Variants in ADAM19 observed in about 807,000 individuals in gnomAD.
The protein encoded by ADAM19 is disintegrin and metalloproteinase domain-containing protein 19.
Under a neutral mutation model 114.7 loss-of-function variants are expected in ADAM19, and 65 were observed. The observed-to-expected ratio is 0.57, with a 90% CI of 0.46 to 0.70. The LOEUF is 0.70. Ranked by LOEUF, ADAM19 falls within the 30% of genes least tolerant of loss-of-function variation. ADAM19 has a pLI of 0.00. For missense variants in ADAM19, 1,063 were observed against 1,204.7 expected (o/e 0.88, Z 1.74); for synonymous variants, 466 against 460.5 (o/e 1.01, Z -0.15).
At chr5:157,515,783 C>T (rs1756073131) in intron 7 of ADAM19, among the ~76,000 whole-genome samples, 1 of 152,200 alleles carries the variant, frequency 6.6e-6, no homozygotes, top group South Asian at 2.1e-4. Flanking sequence ...CTTTACAGGC[C>T]TGTGTTTACA....
intron 3 of ADAM19, among the ~76,000 whole-genome samples, chr5:157,543,615 T>C (rs1261695517): frequency 1.3e-5 from 2 of 152,218 alleles, no homozygotes; most frequent in Non-Finnish European, 2.9e-5. Context: ...GCACTAGCTA[T>C]ATATACACGT....
At chr5:157,495,365 C>T (rs946418764) in intron 14 of ADAM19, among the ~76,000 whole-genome samples, 1 of 152,052 alleles carries the variant, frequency 6.6e-6, no homozygotes, top group Admixed American at 6.5e-5. Flanking sequence ...GGGTTGCATG[C>T]TAAGCCTGCT....
intron 3 of ADAM19, among the ~76,000 whole-genome samples, chr5:157,560,608 A>G (rs900820180): frequency 2.6e-5 from 4 of 152,258 alleles, no homozygotes; most frequent in African/African-American, 9.6e-5. Context: ...TGCTGGAGCA[A>G]TATGTCTGAC....
At chr5:157,513,375 G>A (rs1356217489) in intron 8 of ADAM19, 59 bp downstream of exon 8, 4 of 1,533,504 alleles carry the variant, frequency 2.6e-6, no homozygotes, top group Non-Finnish European at 3.6e-6. Context: ...GGCAGCTCCA[G>A]TGCCCTTGGA....
At chr5:157,556,123 C>T (rs923241360) in intron 3 of ADAM19, among the ~76,000 whole-genome samples, 1 of 151,904 alleles carries the variant, frequency 6.6e-6, no homozygotes, top group Admixed American at 6.6e-5. Flanking sequence ...CTCACTGCAA[C>T]CTCTGCCTCC....
chr5:157,489,423 A>G (rs1755073333), intron 19 of ADAM19, among the ~76,000 whole-genome samples: 1 of 152,146 alleles, frequency 6.6e-6, no homozygotes, highest in Admixed American at 6.5e-5. Context: ...CTCTCTCAGC[A>G]CCTTCTCTTC....
Position 157,488,316 on chromosome 5 carries a change from C to T in ADAM19, c.2499G>A (p.Arg833=). 1 of 1,614,160 alleles carries T rather than the reference C, an allele frequency of 6.2e-7. No individual in the cohort carries two copies. Among genetic ancestry groups the T allele is most frequent in the Non-Finnish European group, 8.5e-7 (1 of 1,180,006 alleles). The change falls in exon 21 of 23, where the codon AGG becomes AGA. Residue 833 remains arginine, a synonymous_variant. Transcript: ENST00000257527. ...GGGGAATTGGCCGGCTTGGAGGAGG[C>T]CTCCTGGACGACTCCGTCCTCTCTA... ...SQIERTESSR[R]PPPSRPIPPA... is the part of the protein sequence containing the mutation.
intron 5 of ADAM19, among the ~76,000 whole-genome samples, chr5:157,524,242 G>A (rs1481036003): frequency 6.6e-6 from 1 of 152,250 alleles, no homozygotes; most frequent in Admixed American, 6.5e-5. Context: ...TTTGCTGAAT[G>A]TTAGCCCTGG....
chr5:157,546,311 C>T (rs746570703), intron 3 of ADAM19, among the ~76,000 whole-genome samples: 7 of 152,326 alleles, frequency 4.6e-5, no homozygotes, highest in Middle Eastern at 3.4e-3. Flanking sequence ...TATGTGCACG[C>T]ACACGTGTGT....
intron 5 of ADAM19, 82 bp from the exon 6 acceptor site, chr5:157,520,113 T>C: frequency 7.3e-7 from 1 of 1,364,594 alleles, no homozygotes. Context: ...TTTCTCCATA[T>C]GCAAAATGAC....
chr5:157,575,002 G>C (rs1204557269), intron 1 of ADAM19, among the ~76,000 whole-genome samples: 1 of 152,194 alleles, frequency 6.6e-6, no homozygotes, highest in Non-Finnish European at 1.5e-5. Context: ...AAATGGGTGC[G>C]TTTGACTTGG....
In ADAM19 at chr5:157,477,769, G is replaced by A. The variant is rs1015897231; in HGVS notation, c.*3180C>T. 72 of 1,272,500 alleles carry A rather than the reference G, an allele frequency of 5.7e-5. No individual in the cohort carries two copies. Among genetic ancestry groups the A allele is most frequent in the Non-Finnish European group, 6.9e-5 (67 of 973,336 alleles). 78.8% of individuals were successfully genotyped at this position (1,272,500 alleles called of 1,614,324 possible). ...TAAGAATAAATTAGGAAGTAGGCAG[G>A]GAGAGACTTCCAATAAAGATTGGAA... On this transcript the variant is annotated 3_prime_UTR_variant, in exon 23 of 23. Coordinates refer to ENST00000257527, the MANE Select transcript of ADAM19 (RefSeq NM_033274.5).
In ADAM19 at chr5:157,520,007, G is replaced by A; in HGVS notation, c.432C>T (p.Asn144=). ...GIRGLITVSS[N]LSYVIEPLPD... Reference sequence around the variant, plus strand: ...GGAGGGGCTCGATGACGTAGCTGAGGTTGCTGCTCACCGTAATCAGTCCTC... The same window carrying A: ...GGAGGGGCTCGATGACGTAGCTGAGATTGCTGCTCACCGTAATCAGTCCTC... The change falls in exon 6 of 23, where the codon AAC becomes AAT. Residue 144 remains asparagine (N), a synonymous_variant. Transcript: ENST00000257527. The A allele has an allele frequency of 6.2e-7, 1 of 1,614,062 alleles. No individual in the cohort carries two copies. The highest frequency in any genetic ancestry group is 8.5e-7 in the Non-Finnish European group (1 of 1,179,958).
chr5:157,492,202 G>C (rs1348532376), intron 16 of ADAM19, among the ~76,000 whole-genome samples: 1 of 152,210 alleles, frequency 6.6e-6, no homozygotes, highest in Non-Finnish European at 1.5e-5. Context: ...TGAGGCAGGA[G>C]AATTGCTTGA....
intron 5 of ADAM19, among the ~76,000 whole-genome samples, chr5:157,526,011 G>A (rs1253402707): frequency 6.6e-6 from 1 of 152,084 alleles, no homozygotes; most frequent in Non-Finnish European, 1.5e-5. Context: ...AATGAAACGT[G>A]CCAGACATTA....
rs1196903774 is a variant in ADAM19, at chr5:157,537,839, G to C, written c.330+74C>G. 8 of 1,344,526 alleles carry C rather than the reference G, an allele frequency of 6.0e-6. No homozygotes were observed. The African/African-American group carries it at 1.2e-4, about 20-fold the overall frequency. 83.3% of individuals were successfully genotyped at this position (1,344,526 alleles called of 1,614,324 possible). On this transcript the variant is annotated intron_variant, in intron 4 of 22. Transcript: ENST00000257527. ...TCAGAGGAGAGACCAACTCCATCAG[G>C]CATCTCCTGAGGTCCTAGGAGTAGG... is the stretch of plus-strand genomic sequence containing the variant.
intron 3 of ADAM19, among the ~76,000 whole-genome samples, chr5:157,563,526 G>C (rs1757568549): frequency 6.6e-6 from 1 of 152,062 alleles, no homozygotes; most frequent in Non-Finnish European, 1.5e-5. Flanking sequence ...TGGCTTCCAG[G>C]GGGTTCTGGA....
At chr5:157,486,705 C>T (rs1397461056) in intron 21 of ADAM19, among the ~76,000 whole-genome samples, 7 of 151,918 alleles carry the variant, frequency 4.6e-5, no homozygotes, top group Admixed American at 4.6e-4. Flanking sequence ...GCTGGCACTC[C>T]TGTTCTCCTG....
intron 7 of ADAM19, 87 bp from the exon 8 acceptor site, chr5:157,513,592 C>T (rs558567006): frequency 4.8e-6 from 6 of 1,245,422 alleles, no homozygotes; most frequent in Non-Finnish European, 7.1e-6. Flanking sequence ...TGAATTTGCT[C>T]TTATTTTCTT....
Sources: gnomAD v4.1 joint callset for allele counts (sites outside exome capture counted in the v4.1 genomes callset) on GRCh38, gnomAD v4.1.1 for gene constraint, MANE v1.5 for transcripts, NCBI Gene and HGNC (gene_info 2026-07-23, HGNC 2026-07-21) for gene names.